PTPRN2: variants seen among roughly 807,000 people sequenced by gnomAD.
PTPRN2 encodes protein tyrosine phosphatase receptor type N2, also known as receptor-type tyrosine-protein phosphatase N2.
A neutral mutation model predicts 118.8 loss-of-function variants in PTPRN2; 74 were observed. That is an observed-to-expected ratio of 0.62 (90% CI 0.52 to 0.76). The LOEUF (loss-of-function observed/expected upper bound fraction) is 0.76, where lower values mean the gene tolerates loss of function less well. PTPRN2 is among the 30% of genes least tolerant of loss of function. PTPRN2 has a pLI of 0.00. For missense variants in PTPRN2, 1,481 were observed against 1,394.4 expected (o/e 1.06, Z -0.99); for synonymous variants, 641 against 608.0 (o/e 1.05, Z -0.80).
intron 1 of PTPRN2, among the ~76,000 whole-genome samples, chr7:158,523,704 CGTCTGCCCTGG>C (rs1563393386): frequency 2.9e-3 from 316 of 108,686 alleles, no homozygotes; most frequent in Middle Eastern, 5.1e-3. Context: ...GGAGTGGAGT[CGTCTGCCCTGG>C]AGTGGAGTCT....
At chr7:158,364,777 C>G (rs1809301626) in intron 2 of PTPRN2, among the ~76,000 whole-genome samples, 1 of 152,182 alleles carries the variant, frequency 6.6e-6, no homozygotes, top group African/African-American at 2.4e-5. Context: ...TGTCCACACA[C>G]ACAGGTCTCC....
chr7:158,192,905 G>A (rs1825894287), intron 4 of PTPRN2, among the ~76,000 whole-genome samples: 1 of 152,212 alleles, frequency 6.6e-6, no homozygotes, highest in Non-Finnish European at 1.5e-5. Flanking sequence ...GGCTTCTGCT[G>A]GGTTTGTGGG....
chr7:158,080,171 C>G (rs1171326633), intron 11 of PTPRN2, among the ~76,000 whole-genome samples: 4 of 152,016 alleles, frequency 2.6e-5, no homozygotes. Flanking sequence ...ACCTTGATTA[C>G]TCTCACTGGA....
rs71198580 is a variant in PTPRN2, at chr7:158,171,308, CATATATATATATATATATAT to C, written c.550-4037_550-4018del. Among the ~76,000 whole-genome samples the C allele has an allele frequency of 9.0e-4, 44 of 48,660 alleles. 3 individuals carry two copies. Among genetic ancestry groups the C allele is most frequent in the South Asian group, 6.5e-3 (10 of 1,534 alleles). 31.9% of individuals were successfully genotyped at this position (48,660 alleles called of 152,430 possible). ...ATATATACACACATATATATACACA[CATATATATATATATATATAT>C]ATATATATATATATATATATACACA... On this transcript the variant is annotated intron_variant, in intron 5 of 22. Coordinates refer to ENST00000389418, the MANE Select transcript of PTPRN2 (RefSeq NM_002847.5).
chr7:157,600,272 C>T (rs1199438041), intron 16 of PTPRN2, among the ~76,000 whole-genome samples: 1 of 151,740 alleles, frequency 6.6e-6, no homozygotes, highest in Non-Finnish European at 1.5e-5. Context: ...CACCTGCCCA[C>T]ATCTCCACCT....
At chr7:158,151,092 A>ACG (rs1821013608) in intron 6 of PTPRN2, among the ~76,000 whole-genome samples, 3 of 49,490 alleles carry the variant, frequency 6.1e-5, no homozygotes, top group East Asian at 6.7e-4. Context: ...TGCCTGCCCA[A>ACG]ACCGCCCGCC....
chr7:158,076,836 G>T (rs1012769291), intron 11 of PTPRN2, among the ~76,000 whole-genome samples: 1 of 152,206 alleles, frequency 6.6e-6, no homozygotes, highest in African/African-American at 2.4e-5. Flanking sequence ...TGGCACCGGG[G>T]TTGGGGGGAG....
intron 10 of PTPRN2, among the ~76,000 whole-genome samples, chr7:158,110,581 A>G (rs1816150137): frequency 6.6e-6 from 1 of 152,208 alleles, no homozygotes; most frequent in African/African-American, 2.4e-5. Context: ...CGGTGGTTAC[A>G]GCACCAAAGG....
intron 2 of PTPRN2, among the ~76,000 whole-genome samples, chr7:158,388,501 C>A (rs1201293927): frequency 6.6e-6 from 1 of 152,220 alleles, no homozygotes; most frequent in East Asian, 1.9e-4. Context: ...TCAAGGAGAG[C>A]CAAACTGAGG....
intron 2 of PTPRN2, among the ~76,000 whole-genome samples, chr7:158,326,992 CAG>C (rs1274624713): frequency 6.6e-6 from 1 of 151,804 alleles, no homozygotes; most frequent in African/African-American, 2.4e-5. Context: ...TACACATTCT[CAG>C]ATGCACACAC....
intron 6 of PTPRN2, among the ~76,000 whole-genome samples, chr7:158,152,082 G>C (rs1010544562): frequency 6.6e-6 from 1 of 150,962 alleles, no homozygotes; most frequent in African/African-American, 2.4e-5. Context: ...GCTGAGGCAG[G>C]AGAATGGTGT....
Position 157,977,554 on chromosome 7 carries a change from G to C in PTPRN2, c.1724-78817C>G, listed in dbSNP as rs549103379. ...ATGACGTGAGTGTGTTCATGGAGTA[G>C]TGTACAAGGCCCCAGGTGGGATGAC... On this transcript the variant is annotated intron_variant, in intron 11 of 22. Coordinates refer to ENST00000389418, the MANE Select transcript of PTPRN2 (RefSeq NM_002847.5). The surrounding 1 kb of genome is among the most constrained non-coding windows in gnomAD (Gnocchi z 4.6). 6.6e-6 allele frequency among the ~76,000 whole-genome samples: 1 copy of C among 151,534 alleles called. No homozygotes were observed. The highest frequency in any genetic ancestry group is 2.4e-5 in the African/African-American group (1 of 41,118).
chr7:157,953,526 G>A lies in PTPRN2; in HGVS notation c.1724-54789C>T, dbSNP rs559750519. Among the ~76,000 whole-genome samples, 671 of 152,216 alleles carry A rather than the reference G, an allele frequency of 4.4e-3. 14 individuals are homozygous for A. Among genetic ancestry groups the A allele is most frequent in the East Asian group, 4.5e-3 (23 of 5,166 alleles). ...TGCTGGCACGGGTGCCTTTGCTGCCGGCTGCTGTCTGTGCTGCCCTGCAAC... is the reference window on the plus strand; with the variant it reads ...TGCTGGCACGGGTGCCTTTGCTGCCAGCTGCTGTCTGTGCTGCCCTGCAAC... On this transcript the variant is annotated intron_variant, in intron 11 of 22. Transcript: ENST00000389418. This position sits in a 1 kb window ranked among gnomAD's most constrained non-coding sequence, Gnocchi z 4.6.
intron 10 of PTPRN2, among the ~76,000 whole-genome samples, chr7:158,098,960 G>A (rs569070869): frequency 1.0e-4 from 15 of 150,586 alleles, no homozygotes; most frequent in Non-Finnish European, 1.2e-4. Flanking sequence ...CTTCTTCTCT[G>A]GCCTCATTCC....
intron 2 of PTPRN2, among the ~76,000 whole-genome samples, chr7:158,470,888 C>T (rs1819802153): frequency 6.6e-6 from 1 of 151,462 alleles, no homozygotes; most frequent in Non-Finnish European, 1.5e-5. Flanking sequence ...GGCTGGAGTG[C>T]GGTGGTGAGA....
chr7:157,636,206 T>C (rs1245515487), intron 14 of PTPRN2, among the ~76,000 whole-genome samples: 1 of 152,218 alleles, frequency 6.6e-6, no homozygotes, highest in Non-Finnish European at 1.5e-5. Context: ...TAATGGTAAA[T>C]TGCATGGAAG....
At chr7:157,694,928 A>G (rs1304726274) in intron 12 of PTPRN2, among the ~76,000 whole-genome samples, 1 of 152,188 alleles carries the variant, frequency 6.6e-6, no homozygotes, top group Non-Finnish European at 1.5e-5. Flanking sequence ...TGAGTACATT[A>G]TTCATATAGA....
At chr7:158,152,259 G>A (rs868393049) in intron 6 of PTPRN2, among the ~76,000 whole-genome samples, 5 of 151,288 alleles carry the variant, frequency 3.3e-5, no homozygotes, top group South Asian at 2.1e-4. Context: ...ATGAAGGATC[G>A]GGGGCTGGAG....
intron 1 of PTPRN2, among the ~76,000 whole-genome samples, chr7:158,534,700 A>G (rs892077425): frequency 6.6e-6 from 1 of 152,080 alleles, no homozygotes; most frequent in South Asian, 2.1e-4. Context: ...CTAGCCTACC[A>G]CGTCACACAG....
Sources: allele counts gnomAD v4.1 joint callset (sites outside exome capture counted in the v4.1 genomes callset), GRCh38; gene constraint gnomAD v4.1.1; non-coding constraint Gnocchi (gnomAD v3.1); transcripts MANE v1.5; gene names NCBI Gene and HGNC (gene_info 2026-07-23, HGNC 2026-07-21).